The following MTUS1 variants were observed in gnomAD, a reference collection of about 807,000 sequenced individuals.
MTUS1 encodes microtubule associated scaffold protein 1, also known as microtubule-associated tumor suppressor 1.
In MTUS1, 109 loss-of-function variants were observed where a neutral mutation model predicts 120.8. The ratio of observed to expected loss-of-function variants is 0.90; its 90% confidence interval spans 0.77 to 1.06. The LOEUF (loss-of-function observed/expected upper bound fraction) is 1.06. Among genes scored for constraint, MTUS1 ranks in the 50% least tolerant of loss-of-function variants. The pLI, the probability that MTUS1 is intolerant of heterozygous loss-of-function variation, is 0.00. For synonymous variants in MTUS1, 737 were observed against 550.5 expected (o/e 1.34, Z -4.74); for missense variants, 2,210 against 1,486.3 (o/e 1.49, Z -8.01).
At position 17,646,911 on chromosome 8, in the gene MTUS1, G is replaced by A. The variant is rs146890847; in HGVS notation, c.3599+71C>T. 454 of 1,055,634 alleles carry A rather than the reference G, an allele frequency of 4.3e-4. 4 individuals carry two copies. In the East Asian group the frequency reaches 8.7e-3, roughly 20 times the overall value. The allele number at this position is 1,055,634 out of a possible 1,614,324, so 65.4% of individuals were successfully genotyped here. A position where few individuals can be genotyped will look rare whatever the true frequency, so the allele number is the denominator to read the frequency against. On this transcript the variant is annotated intron_variant, in intron 14 of 14. Transcript: ENST00000693296. ...TTTCCAGGAGGTGCAGGGGTAGAGC[G>A]TGTCCAGAAAGTACACTGGATGTCC...
rs1812840757 is a variant in MTUS1 at position 17,675,210 on chromosome 8, G to C, written c.2881C>G (p.Leu961Val). 1 of 1,614,120 alleles carries C rather than the reference G, an allele frequency of 6.2e-7. No homozygotes were observed. Among genetic ancestry groups the C allele is most frequent in the Non-Finnish European group, 8.5e-7 (1 of 1,180,020 alleles). Reference sequence around the variant, plus strand: ...CCTAGCTCTCCCCGGAGGTTAACAAGTTCTTGAGATAGGGTTTTGTGTTGT... The same window carrying C: ...CCTAGCTCTCCCCGGAGGTTAACAACTTCTTGAGATAGGGTTTTGTGTTGT... ...LKQHKTLSQE[L>V]VNLRGELVTA... Residue 961 changes from leucine (L) to valine (V), a missense_variant, in exon 8 of 15, where the codon CTT becomes GTT. Physicochemically the swap from Leu to Val is conservative, Grantham distance 32 (BLOSUM62 1). Coordinates refer to ENST00000693296, the MANE Select transcript of MTUS1 (RefSeq NM_001363059.2).
At chr8:17,696,394 A>T (rs559373397) in intron 6 of MTUS1, among the ~76,000 whole-genome samples, 1 of 152,346 alleles carries the variant, frequency 6.6e-6, no homozygotes, top group South Asian at 2.1e-4. Context: ...GGTCACGTGC[A>T]CATGAAGCAG....
intron 8 of MTUS1, among the ~76,000 whole-genome samples, chr8:17,670,390 T>C (rs958744693): frequency 6.6e-6 from 1 of 152,206 alleles, no homozygotes; most frequent in African/African-American, 2.4e-5. Flanking sequence ...CCTTGCTATA[T>C]ACTATGACAC....
chr8:17,671,359 T>C lies in MTUS1; in HGVS notation c.2905+3827A>G, dbSNP rs150252389. Among the ~76,000 whole-genome samples, 1,422 of 152,218 alleles carry C rather than the reference T, an allele frequency of 9.3e-3. 21 individuals are homozygous for C. The highest frequency in any genetic ancestry group is 0.031 in the African/African-American group (1,303 of 41,540). ...AAACAGAAAGCATATTATATTATTTTTCCATAGGAAACAGAAAAGAATCCC... is the reference window on the plus strand; with the variant it reads ...AAACAGAAAGCATATTATATTATTTCTCCATAGGAAACAGAAAAGAATCCC... On this transcript the variant is annotated intron_variant, in intron 8 of 14. Coordinates refer to ENST00000693296, the MANE Select transcript of MTUS1 (RefSeq NM_001363059.2).
chr8:17,670,232 A>C (rs542909755), intron 8 of MTUS1, among the ~76,000 whole-genome samples: 3 of 152,222 alleles, frequency 2.0e-5, no homozygotes, highest in African/African-American at 7.2e-5. Flanking sequence ...GTCTGATTAT[A>C]CTGGACTGGC....
chr8:17,785,864 G>A (rs1396814918), intron 1 of MTUS1, among the ~76,000 whole-genome samples: 2 of 152,162 alleles, frequency 1.3e-5, no homozygotes, highest in African/African-American at 2.4e-5. Context: ...AAGGCCTAAG[G>A]CCAGGTACCA....
Position 17,724,029 on chromosome 8 carries a change from G to C in MTUS1, c.2288-196C>G. 7 of 577,896 alleles carry C rather than the reference G, an allele frequency of 1.2e-5. No homozygotes were observed. In the South Asian group the frequency reaches 1.5e-4, roughly 12 times the overall value. The allele number at this position is 577,896 out of a possible 1,614,324, so 35.8% of individuals were successfully genotyped here. On this transcript the variant is annotated intron_variant, in intron 3 of 14. Transcript: ENST00000693296. ...TATTTTTGATCATTTAGAGGCAAGA[G>C]AGCAGAAATGATGAGGCAATTAGGA...
Position 17,755,949 on chromosome 8 carries a change from G to A in MTUS1, c.-142C>T. The A allele has an allele frequency of 1.4e-6, 2 of 1,424,890 alleles. No individual in the cohort carries two copies. Among genetic ancestry groups the A allele is most frequent in the Non-Finnish European group, 9.1e-7 (1 of 1,095,234 alleles). The allele number at this position is 1,424,890 out of a possible 1,614,324, so 88.3% of individuals were successfully genotyped here. ...GTCTAAGATGCTCTGAAGATTAAATGATTTGTTGTTCCCTGGAAGAAATAA... is the reference window on the plus strand; with the variant it reads ...GTCTAAGATGCTCTGAAGATTAAATAATTTGTTGTTCCCTGGAAGAAATAA... On this transcript the variant is annotated 5_prime_UTR_variant, in exon 2 of 15. Coordinates refer to ENST00000693296, the MANE Select transcript of MTUS1 (RefSeq NM_001363059.2).
At chr8:17,693,253 C>A (rs528205486) in intron 6 of MTUS1, 3 of 152,322 alleles carry the variant, frequency 2.0e-5, no homozygotes, top group Non-Finnish European at 4.4e-5. Flanking sequence ...ATTGCTGACC[C>A]TTCTCCATGT....
intron 3 of MTUS1, among the ~76,000 whole-genome samples, chr8:17,738,792 T>C (rs767645370): frequency 6.6e-6 from 1 of 152,104 alleles, no homozygotes; most frequent in African/African-American, 2.4e-5. Context: ...AAAAGAAAAG[T>C]GCCACAGTTT....
chr8:17,778,760 G>C (rs1234695732), intron 1 of MTUS1, among the ~76,000 whole-genome samples: 1 of 152,146 alleles, frequency 6.6e-6, no homozygotes, highest in African/African-American at 2.4e-5. Context: ...AGTGAGCTGA[G>C]ATAGCACCAC....
At chr8:17,702,578 T>C (rs904446787) in intron 6 of MTUS1, among the ~76,000 whole-genome samples, 5 of 152,196 alleles carry the variant, frequency 3.3e-5, no homozygotes, top group Non-Finnish European at 7.3e-5. Flanking sequence ...CTCTACTCTG[T>C]TTCTGACTTT....
intron 1 of MTUS1, among the ~76,000 whole-genome samples, chr8:17,769,379 G>A (rs537215697): frequency 4.3e-4 from 59 of 137,716 alleles, no homozygotes; most frequent in Non-Finnish European, 7.8e-4. Flanking sequence ...ACAGAGTCTC[G>A]CTCTGTCGCC....
chr8:17,702,890 G>A (rs1389649876), intron 6 of MTUS1, among the ~76,000 whole-genome samples: 1 of 152,142 alleles, frequency 6.6e-6, no homozygotes, highest in African/African-American at 2.4e-5. Context: ...AACATAAATT[G>A]TGACGATTTC....
intron 1 of MTUS1, among the ~76,000 whole-genome samples, chr8:17,778,460 A>C (rs1356637446): frequency 1.3e-5 from 2 of 152,228 alleles, no homozygotes; most frequent in African/African-American, 2.4e-5. Flanking sequence ...GTCAAAATTC[A>C]TTGTACTATA....
At chr8:17,699,724 A>G (rs889176565) in intron 6 of MTUS1, among the ~76,000 whole-genome samples, 2 of 152,252 alleles carry the variant, frequency 1.3e-5, no homozygotes, top group African/African-American at 4.8e-5. Context: ...TTTCCCAAAC[A>G]TAGTCTGCCT....
At chr8:17,666,451 C>G (rs1810929608) in intron 8 of MTUS1, among the ~76,000 whole-genome samples, 1 of 152,030 alleles carries the variant, frequency 6.6e-6, no homozygotes, top group South Asian at 2.1e-4. Flanking sequence ...CTCGGAGTTA[C>G]TTCATATTAT....
intron 6 of MTUS1, among the ~76,000 whole-genome samples, chr8:17,700,137 T>C (rs192298841): frequency 1.2e-3 from 190 of 152,186 alleles, no homozygotes; most frequent in African/African-American, 4.3e-3. Flanking sequence ...GTGCCTAAAG[T>C]ACAACAGTTT....
At chr8:17,736,930 A>T (rs1410038429) in intron 3 of MTUS1, among the ~76,000 whole-genome samples, 2 of 152,050 alleles carry the variant, frequency 1.3e-5, no homozygotes, top group Non-Finnish European at 2.9e-5. Context: ...CCAAAAATGT[A>T]TTTATTTTCT....
Sources: allele counts gnomAD v4.1 joint callset (sites outside exome capture counted in the v4.1 genomes callset), GRCh38; gene constraint gnomAD v4.1.1; transcripts MANE v1.5; gene names NCBI Gene and HGNC (gene_info 2026-07-23, HGNC 2026-07-21).